Variants in FHIT observed in about 807,000 individuals in gnomAD.
FHIT encodes bis(5'-adenosyl)-triphosphatase.
Under a neutral mutation model 17.9 loss-of-function variants are expected in FHIT, and 19 were observed. The observed-to-expected ratio is 1.06, with a 90% CI of 0.74 to 1.56. The LOEUF (loss-of-function observed/expected upper bound fraction) is 1.56, where lower values mean the gene tolerates loss of function less well. FHIT is among the 40% of genes most tolerant of loss of function. The pLI is 0.00. For synonymous variants in FHIT, 81 were observed against 69.7 expected, an observed-to-expected ratio of 1.16 and a Z score of -0.81; for missense variants, 248 against 189.2, an observed-to-expected ratio of 1.31 and a Z score of -1.82.
intron 4 of FHIT, chr3:60,732,317 T>A (rs1553711519): frequency 2.1e-6 from 2 of 941,550 alleles, no homozygotes; most frequent in South Asian, 2.6e-5. Context: ...GGGAACCATT[T>A]GTGTTGGGTC....
chr3:60,489,593 ATGCTAC>A (rs1253361682), intron 5 of FHIT, among the ~76,000 whole-genome samples: 1 of 152,170 alleles, frequency 6.6e-6, no homozygotes, highest in African/African-American at 2.4e-5. Context: ...TGCTTACACC[ATGCTAC>A]TGCTCACTAC....
chr3:61,171,664 GT>G (rs1260397318), intron 2 of FHIT, among the ~76,000 whole-genome samples: 1 of 152,178 alleles, frequency 6.6e-6, no homozygotes, highest in Non-Finnish European at 1.5e-5. Context: ...ATGGGTATTT[GT>G]GAAATCTAAA....
chr3:60,142,704 T>A (rs906598458), intron 5 of FHIT, among the ~76,000 whole-genome samples: 1 of 151,384 alleles, frequency 6.6e-6, no homozygotes, highest in Non-Finnish European at 1.5e-5. Flanking sequence ...CTTTTTTTTT[T>A]TAAGAGATGG....
intron 7 of FHIT, among the ~76,000 whole-genome samples, chr3:59,972,649 GTTCACAGCTTAAAGTC>G: frequency 1.3e-5 from 2 of 152,182 alleles, no homozygotes; most frequent in Admixed American, 1.3e-4. Context: ...AGTCCTATGA[GTTCACAGCTTAAAGTC>G]TTCACAGCAA....
At chr3:60,566,875 G>T (rs6777395) in intron 4 of FHIT, among the ~76,000 whole-genome samples, 116,645 of 140,192 alleles carry the variant, frequency 0.83, 49,066 homozygotes, top group African/African-American at 0.95. Flanking sequence ...TCAAAGAGAA[G>T]AAAATACCTA....
At chr3:60,644,590 A>C (rs1553686227) in intron 4 of FHIT, among the ~76,000 whole-genome samples, 1 of 152,198 alleles carries the variant, frequency 6.6e-6, no homozygotes, top group Non-Finnish European at 1.5e-5. Context: ...AAAACACAAC[A>C]TTTTACTCTC....
intron 4 of FHIT, among the ~76,000 whole-genome samples, chr3:60,649,861 C>T (rs1341321219): frequency 6.6e-6 from 1 of 152,154 alleles, no homozygotes; most frequent in Non-Finnish European, 1.5e-5. Flanking sequence ...AGCAGGGTAG[C>T]AGCAGTTACT....
intron 3 of FHIT, among the ~76,000 whole-genome samples, chr3:60,943,690 G>C (rs1553775069): frequency 6.6e-6 from 1 of 152,128 alleles, no homozygotes; most frequent in Non-Finnish European, 1.5e-5. Flanking sequence ...GCCTCTCACT[G>C]AACCAAGTAC....
intron 4 of FHIT, chr3:60,730,387 T>G (rs1181091964): frequency 4.1e-6 from 1 of 244,684 alleles, no homozygotes; most frequent in Non-Finnish European, 9.1e-6. Context: ...ACAAAATGTA[T>G]TTGTTCCATC....
At chr3:60,929,627 A>C (rs1317218961) in intron 3 of FHIT, among the ~76,000 whole-genome samples, 2 of 152,316 alleles carry the variant, frequency 1.3e-5, no homozygotes, top group Admixed American at 6.5e-5. Flanking sequence ...TTCAAAGAGA[A>C]TAAAATACCT....
At chr3:60,517,348 T>C (rs1043773430) in intron 5 of FHIT, among the ~76,000 whole-genome samples, 25 of 152,220 alleles carry the variant, frequency 1.6e-4, no homozygotes, top group Middle Eastern at 3.2e-3. Context: ...CATCCCATCC[T>C]ACTATACCTT....
chr3:61,000,964 GA>G (rs111399338), intron 3 of FHIT, among the ~76,000 whole-genome samples: 7 of 143,156 alleles, frequency 4.9e-5, no homozygotes, highest in East Asian at 2.0e-4. Context: ...AAGCTCAACA[GA>G]AAAAAAAAAC....
intron 4 of FHIT, among the ~76,000 whole-genome samples, chr3:60,650,351 C>G (rs1371740148): frequency 6.6e-6 from 1 of 152,026 alleles, no homozygotes; most frequent in Non-Finnish European, 1.5e-5. Context: ...TTAGAGATCA[C>G]CCCATTCAGC....
chr3:60,812,901 T>C (rs1553736534), intron 4 of FHIT, among the ~76,000 whole-genome samples: 1 of 152,146 alleles, frequency 6.6e-6, no homozygotes. Flanking sequence ...GAGCCATAGA[T>C]TCTTCCACTG....
chr3:59,977,560 G>C (rs1388966326), intron 7 of FHIT, among the ~76,000 whole-genome samples: 1 of 152,118 alleles, frequency 6.6e-6, no homozygotes, highest in African/African-American at 2.4e-5. Context: ...ACAATGACAG[G>C]AATCTTTGTG....
chr3:60,927,833 G>T (rs1707729674), intron 3 of FHIT, among the ~76,000 whole-genome samples: 1 of 152,258 alleles, frequency 6.6e-6, no homozygotes, highest in Admixed American at 6.5e-5. Context: ...TTGAGAACAG[G>T]CCATGACGAT....
At chr3:60,044,653 T>C (rs1339141013) in intron 5 of FHIT, among the ~76,000 whole-genome samples, 1 of 152,230 alleles carries the variant, frequency 6.6e-6, no homozygotes, top group Non-Finnish European at 1.5e-5. Flanking sequence ...TACAGGATTT[T>C]GCTTGCACAT....
At chr3:61,172,833 C>G (rs1339661087) in intron 2 of FHIT, among the ~76,000 whole-genome samples, 1 of 151,508 alleles carries the variant, frequency 6.6e-6, no homozygotes, top group Non-Finnish European at 1.5e-5. Flanking sequence ...ACAAACTAAG[C>G]CTCTTCCTGT....
At chr3:59,754,042 C>T (rs769308537) in intron 8 of FHIT, among the ~76,000 whole-genome samples, 12 of 151,900 alleles carry the variant, frequency 7.9e-5, no homozygotes, top group South Asian at 2.1e-4. Context: ...ATGACTTTTG[C>T]TATCTCAGGC....
Sources: allele counts gnomAD v4.1 joint callset (sites outside exome capture counted in the v4.1 genomes callset), GRCh38; gene constraint gnomAD v4.1.1; transcripts MANE v1.5; gene names NCBI Gene and HGNC (gene_info 2026-07-23, HGNC 2026-07-21).